PLEKHF1: variants seen among roughly 807,000 people sequenced by gnomAD.
PLEKHF1 encodes the protein pleckstrin homology domain-containing family F member 1.
In PLEKHF1, 1 loss-of-function variant was observed where a neutral mutation model predicts 4.1. That is an observed-to-expected ratio of 0.24 (90% confidence interval 0.09 to 1.15). The LOEUF (loss-of-function observed/expected upper bound fraction) is 1.15, where lower values mean the gene tolerates loss of function less well. Ranked by LOEUF, PLEKHF1 falls within the 50% of genes most tolerant of loss-of-function variation. PLEKHF1 has a pLI of 0.52. For synonymous variants in PLEKHF1, 182 were observed against 178.5 expected (o/e 1.02, Z -0.16); for missense variants, 429 against 400.6 (o/e 1.07, Z -0.60).
In PLEKHF1 at chr19:29,674,747, A is replaced by T; in HGVS notation, c.*68A>T. On this transcript the variant is annotated 3_prime_UTR_variant, in exon 2 of 2. Coordinates refer to ENST00000436066, the MANE Select transcript of PLEKHF1 (RefSeq NM_024310.5). ...CCCAGGCCCCCAAGAGGGCAGCTCC[A>T]GAAGCTGCCCAGGGCTCCGGGACCC... 6.7e-7 allele frequency: 1 copy of T among 1,503,448 alleles called. No individual in the cohort carries two copies. The allele number at this position is 1,503,448 out of a possible 1,614,324, so 93.1% of individuals were successfully genotyped here.
chr19:29,671,433 C>A lies in PLEKHF1; in HGVS notation c.-16-2391C>A, dbSNP rs751198865. Among the ~76,000 whole-genome samples the A allele has an allele frequency of 6.6e-6, 1 of 152,170 alleles. No individual in the cohort carries two copies. The highest frequency in any genetic ancestry group is 2.4e-5 in the African/African-American group (1 of 41,436). On this transcript the variant is annotated intron_variant, in intron 1 of 1. Coordinates refer to ENST00000436066, the MANE Select transcript of PLEKHF1 (RefSeq NM_024310.5). This position sits in a 1 kb window ranked among gnomAD's most constrained non-coding sequence, Gnocchi z 4.0. ...CCACATTGATCTGTATCTCTCATTGCGTGAGTAGCCCCGGGTTTTTATCCT... is the reference window on the plus strand; with the variant it reads ...CCACATTGATCTGTATCTCTCATTGAGTGAGTAGCCCCGGGTTTTTATCCT...
At position 29,673,993 on chromosome 19, in the gene PLEKHF1, C is replaced by T. The variant is rs1375253566; in HGVS notation, c.154C>T (p.Pro52Ser). The T allele has an allele frequency of 2.5e-6, 4 of 1,614,078 alleles. No individual in the cohort carries two copies. ...LTKECRKKAK[P>S]RIFFLFNDIL... ...CAAAGAGTGCCGCAAGAAGGCCAAG[C>T]CGCGCATCTTCTTCCTCTTTAACGA... The change falls in exon 2 of 2, where the codon CCG (proline) becomes TCG (serine). Residue 52 changes from proline to serine, a missense_variant. Transcript: ENST00000436066.
At chr19:29,669,165 C>T (rs1313659467) in intron 1 of PLEKHF1, among the ~76,000 whole-genome samples, 1 of 152,176 alleles carries the variant, frequency 6.6e-6, no homozygotes, top group Non-Finnish European at 1.5e-5. Context: ...GCAGAGACAG[C>T]GTCATGGACT....
In PLEKHF1 at chr19:29,672,822, G is replaced by C. The variant is rs1333507666; in HGVS notation, c.-16-1002G>C. The stretch of plus-strand genomic sequence containing the variant: ...GACAGCCCTCCTAGAGCTTGGAGAG[G>C]CCAAGACTGGAGGCTTGGAATGGGG... On this transcript the variant is annotated intron_variant, in intron 1 of 1. Transcript: ENST00000436066. Among the ~76,000 whole-genome samples, 5 of 152,128 alleles carry C rather than the reference G, an allele frequency of 3.3e-5. No homozygotes were observed. In the East Asian group the frequency reaches 9.6e-4, roughly 29 times the overall value.
intron 1 of PLEKHF1, 194 bp downstream of exon 1, chr19:29,665,699 G>T: frequency 9.0e-7 from 1 of 1,107,406 alleles, no homozygotes; most frequent in East Asian, 1.1e-4. Flanking sequence ...TGGGCGGCTT[G>T]CGGGGTGAAC....
chr19:29,673,900 T>C lies in PLEKHF1; in HGVS notation c.61T>C (p.Cys21Arg). ...CCAGCGCATCGCGGCAGTGGAGAGC[T>C]GCTTCGGGGCCTCGGGGCAGCCGCT... ...NSQRIAAVES[C>R]FGASGQPLAL... The change falls in exon 2 of 2, where the codon TGC (cysteine) becomes CGC (arginine). Residue 21 changes from cysteine (C) to arginine (R), a missense_variant. Cys to Arg is a radical substitution (Grantham distance 180, BLOSUM62 -3). Transcript: ENST00000436066. 2 of 1,612,134 alleles carry C rather than the reference T, an allele frequency of 1.2e-6. No individual in the cohort carries two copies. The highest frequency in any genetic ancestry group is 1.7e-6 in the Non-Finnish European group (2 of 1,178,906).
intron 1 of PLEKHF1, chr19:29,665,843 C>T: frequency 9.9e-7 from 1 of 1,012,174 alleles, no homozygotes; most frequent in Non-Finnish European, 1.2e-6. Flanking sequence ...TCAGCGCACC[C>T]GGTCGCTGGT....
chr19:29,666,671 A>G (rs557361397), intron 1 of PLEKHF1, among the ~76,000 whole-genome samples: 1 of 152,300 alleles, frequency 6.6e-6, no homozygotes, highest in East Asian at 1.9e-4. Flanking sequence ...TCCACAGCTC[A>G]TGGTTATTTT....
chr19:29,674,244 G>C lies in PLEKHF1; in HGVS notation c.405G>C (p.Arg135Ser). The stretch of plus-strand genomic sequence containing the variant: ...AGGAGTGCGTGCGGCGGCAACTGAG[G>C]GCCACGGGCCGCCCGCCCAGCACGG... ...HIEECVRRQL[R>S]ATGRPPSTEH... Residue 135 changes from arginine to serine, a missense_variant, in exon 2 of 2, where the codon AGG becomes AGC. Physicochemically the swap from Arg to Ser is moderately radical, Grantham distance 110. Transcript: ENST00000436066. The C allele has an allele frequency of 6.2e-7, 1 of 1,609,358 alleles. No homozygotes were observed. Among genetic ancestry groups the C allele is most frequent in the Non-Finnish European group, 8.5e-7 (1 of 1,179,370 alleles).
In PLEKHF1 at chr19:29,674,354, GC is replaced by G; in HGVS notation, c.517del (p.His173ThrfsTer187). On this transcript the variant is annotated frameshift_variant, in exon 2 of 2. Coordinates refer to ENST00000436066, the MANE Select transcript of PLEKHF1 (RefSeq NM_024310.5). LOFTEE classifies it low-confidence loss of function (END_TRUNC). ...TQTRFSALTR[R>X]HHCRKCGFVV... is the part of the protein sequence containing the mutation. ...ACGCGCTTCTCTGCCCTCACGAGGC[GC>G]CACCACTGCCGCAAGTGCGGCTTCG... 2 of 1,546,180 alleles carry G rather than the reference GC, an allele frequency of 1.3e-6. No homozygotes were observed. Among genetic ancestry groups the G allele is most frequent in the South Asian group, 1.2e-5 (1 of 85,746 alleles).
Position 29,674,819 on chromosome 19 carries a change from C to A in PLEKHF1, c.*140C>A. ...GCGGTGGGGAGTGGCTCTTTCTGGA[C>A]TCCCAGTGCCTTTTTGCTGGACACT... On this transcript the variant is annotated 3_prime_UTR_variant, in exon 2 of 2. Coordinates refer to ENST00000436066, the MANE Select transcript of PLEKHF1 (RefSeq NM_024310.5). 7.9e-7 allele frequency: 1 copy of A among 1,267,840 alleles called. No homozygotes were observed. Among genetic ancestry groups the A allele is most frequent in the Non-Finnish European group, 1.1e-6 (1 of 937,642 alleles). The allele number at this position is 1,267,840 out of a possible 1,614,324, so 78.5% of individuals were successfully genotyped here. A position where few individuals can be genotyped will look rare whatever the true frequency, so the allele number is the denominator to read the frequency against.
Position 29,674,466 on chromosome 19 carries a change from C to A in PLEKHF1, c.627C>A (p.Arg209=), listed in dbSNP as rs1020375488. The A allele has an allele frequency of 2.6e-6, 4 of 1,539,774 alleles. No individual in the cohort carries two copies. The highest frequency in any genetic ancestry group is 3.5e-6 in the Non-Finnish European group (4 of 1,146,312). Residue 209 remains arginine (R), a synonymous_variant, in exon 2 of 2, where the codon CGC becomes CGA. Transcript: ENST00000436066. ...KPVRVCSLCY[R]ELAAQQRQEE... Reference sequence around the variant, plus strand: ...TGCGCGTCTGCAGCCTCTGCTACCGCGAACTGGCCGCCCAGCAGCGGCAGG... The same window carrying A: ...TGCGCGTCTGCAGCCTCTGCTACCGAGAACTGGCCGCCCAGCAGCGGCAGG...
rs931830244 is a variant in PLEKHF1 at position 29,673,759 on chromosome 19, G to C, written c.-16-65G>C. The C allele has an allele frequency of 2.7e-5, 42 of 1,540,596 alleles. 1 individual carries two copies. In the African/African-American group the frequency reaches 4.7e-4, roughly 17 times the overall value. ...TGGTGGGTTAGTCAGTTGGGGGTGGGCAGCGTGGTTCTGACACCCCCATGC... is the reference window on the plus strand; with the variant it reads ...TGGTGGGTTAGTCAGTTGGGGGTGGCCAGCGTGGTTCTGACACCCCCATGC... On this transcript the variant is annotated intron_variant, in intron 1 of 1. Coordinates refer to ENST00000436066, the MANE Select transcript of PLEKHF1 (RefSeq NM_024310.5).
intron 1 of PLEKHF1, chr19:29,665,885 G>C: frequency 1.2e-6 from 1 of 859,680 alleles, no homozygotes; most frequent in Non-Finnish European, 1.4e-6. Context: ...TCGTGTGGCC[G>C]CCGGGACCTC....
At chr19:29,665,976 G>A (rs1971565130) in intron 1 of PLEKHF1, among the ~76,000 whole-genome samples, 1 of 152,060 alleles carries the variant, frequency 6.6e-6, no homozygotes, top group African/African-American at 2.4e-5. Context: ...GGGGGCGCTG[G>A]GGTCCCAGTT....
At position 29,673,251 on chromosome 19, in the gene PLEKHF1, G is replaced by A. The variant is rs150808685; in HGVS notation, c.-16-573G>A. Among the ~76,000 whole-genome samples the A allele has an allele frequency of 4.6e-3, 704 of 152,252 alleles. 8 individuals carry two copies. The highest frequency in any genetic ancestry group is 0.016 in the African/African-American group (682 of 41,544). On this transcript the variant is annotated intron_variant, in intron 1 of 1. Transcript: ENST00000436066. The stretch of plus-strand genomic sequence containing the variant: ...TGGATGGCAGAGTCAGGGTTGGGTT[G>A]GGGGTAGAGACACCCAGGTCTCCTG...
chr19:29,674,603 G>A lies in PLEKHF1; in HGVS notation c.764G>A (p.Gly255Asp). 1.2e-6 allele frequency: 2 copies of A among 1,607,934 alleles called. No individual in the cohort carries two copies. Among genetic ancestry groups the A allele is most frequent in the Non-Finnish European group, 1.7e-6 (2 of 1,177,990 alleles). The change falls in exon 2 of 2, where the codon GGC becomes GAC. Residue 255 changes from glycine (G) to aspartate (D), a missense_variant. Coordinates refer to ENST00000436066, the MANE Select transcript of PLEKHF1 (RefSeq NM_024310.5). ...DDDDSDEDKE[G>D]SRDGDWPSSV... ...GATGACTCCGACGAGGACAAGGAGG[G>A]CAGCAGGGACGGCGACTGGCCCAGC... is the stretch of plus-strand genomic sequence containing the variant.
intron 1 of PLEKHF1, among the ~76,000 whole-genome samples, chr19:29,667,569 C>T (rs1438961421): frequency 3.3e-5 from 5 of 152,180 alleles, no homozygotes; most frequent in Non-Finnish European, 7.4e-5. Context: ...GTGACCCTGG[C>T]CCTGCACGTC....
At position 29,674,722 on chromosome 19, in the gene PLEKHF1, C is replaced by T; in HGVS notation, c.*43C>T. On this transcript the variant is annotated 3_prime_UTR_variant, in exon 2 of 2. Coordinates refer to ENST00000436066, the MANE Select transcript of PLEKHF1 (RefSeq NM_024310.5). Reference sequence around the variant, plus strand: ...ATCTGTCCCCAAGCCAGCTCCACTGCCCAGGCCCCCAAGAGGGCAGCTCCA... The same window carrying T: ...ATCTGTCCCCAAGCCAGCTCCACTGTCCAGGCCCCCAAGAGGGCAGCTCCA... 1.3e-6 allele frequency: 2 copies of T among 1,542,158 alleles called. No individual in the cohort carries two copies. The highest frequency in any genetic ancestry group is 2.4e-4 in the Middle Eastern group (1 of 4,218).
Sources: gnomAD v4.1 joint callset for allele counts (sites outside exome capture counted in the v4.1 genomes callset) on GRCh38, gnomAD v4.1.1 for gene constraint, Gnocchi (gnomAD v3.1) non-coding constraint, MANE v1.5 for transcripts, NCBI Gene and HGNC (gene_info 2026-07-23, HGNC 2026-07-21) for gene names.